DSCAM: variants seen among roughly 807,000 people sequenced by gnomAD.
DSCAM encodes DS cell adhesion molecule, also known as cell adhesion molecule DSCAM.
DSCAM carries 47 observed loss-of-function variants against 217.7 expected under a neutral mutation model. The observed-to-expected ratio is 0.22, with a 90% CI of 0.17 to 0.28. DSCAM has a LOEUF of 0.28. Ranked by LOEUF, DSCAM falls within the 10% of genes least tolerant of loss-of-function variation. The pLI, the probability that DSCAM is intolerant of heterozygous loss-of-function variation, is 1.00. For synonymous variants in DSCAM, 1,056 were observed against 1,015.3 expected (o/e 1.04, Z -0.76); for missense variants, 2,080 against 2,618.3 (o/e 0.79, Z 4.49).
At chr21:40,541,894 A>C (rs1448577108) in intron 3 of DSCAM, among the ~76,000 whole-genome samples, 1 of 152,212 alleles carries the variant, frequency 6.6e-6, no homozygotes, top group Admixed American at 6.5e-5. Context: ...GACCTGGTAG[A>C]TGTGGCAACG....
At chr21:40,735,664 A>G (rs1035750729) in intron 1 of DSCAM, among the ~76,000 whole-genome samples, 7 of 152,220 alleles carry the variant, frequency 4.6e-5, no homozygotes, top group African/African-American at 9.6e-5. Flanking sequence ...CTATTTTAAG[A>G]AGGAGGACAG....
At chr21:40,584,039 C>T (rs1199480866) in intron 3 of DSCAM, among the ~76,000 whole-genome samples, 1 of 152,080 alleles carries the variant, frequency 6.6e-6, no homozygotes, top group African/African-American at 2.4e-5. Flanking sequence ...TGGAACTATG[C>T]CCCCAAAAAC....
At chr21:40,534,739 T>C (rs748971889) in intron 3 of DSCAM, among the ~76,000 whole-genome samples, 3 of 152,196 alleles carry the variant, frequency 2.0e-5, no homozygotes, top group Non-Finnish European at 4.4e-5. Context: ...ATCTATTATG[T>C]TACTCAATAA....
intron 31 of DSCAM, among the ~76,000 whole-genome samples, chr21:40,043,135 A>G (rs1038429510): frequency 1.4e-4 from 22 of 152,218 alleles, no homozygotes; most frequent in African/African-American, 5.3e-4. Context: ...TAAAGATGTC[A>G]TGTTGCACGG....
chr21:40,667,296 A>C (rs2090214562), intron 3 of DSCAM, among the ~76,000 whole-genome samples: 1 of 152,232 alleles, frequency 6.6e-6, no homozygotes, highest in African/African-American at 2.4e-5. Context: ...TCAACAGCAC[A>C]TCATGGACCC....
At chr21:40,549,817 G>A (rs2076614998) in intron 3 of DSCAM, among the ~76,000 whole-genome samples, 1 of 152,158 alleles carries the variant, frequency 6.6e-6, no homozygotes, top group Non-Finnish European at 1.5e-5. Flanking sequence ...ACCTCTTAGA[G>A]GTACATCATG....
intron 3 of DSCAM, among the ~76,000 whole-genome samples, chr21:40,379,534 T>G (rs2074999858): frequency 6.6e-6 from 1 of 152,146 alleles, no homozygotes; most frequent in South Asian, 2.1e-4. Context: ...TCCAAATACC[T>G]CACACAAAAG....
intron 5 of DSCAM, 39 bp from the exon 6 acceptor site, chr21:40,347,984 A>C (rs1308555743): frequency 1.3e-6 from 2 of 1,584,962 alleles, no homozygotes; most frequent in Non-Finnish European, 1.7e-6. Context: ...AAAGATAAAA[A>C]CATCACTAGA....
chr21:40,764,934 A>G (rs949114276), intron 1 of DSCAM, among the ~76,000 whole-genome samples: 7 of 152,048 alleles, frequency 4.6e-5, no homozygotes, highest in Non-Finnish European at 1.0e-4. Flanking sequence ...GGAACATCAC[A>G]CACCGGGGCC....
intron 1 of DSCAM, among the ~76,000 whole-genome samples, chr21:40,832,860 C>G (rs1285862439): frequency 6.6e-6 from 1 of 152,188 alleles, no homozygotes; most frequent in East Asian, 1.9e-4. Flanking sequence ...TACTCACATT[C>G]TTTCCTATGC....
At chr21:40,296,213 C>T (rs371076429) in intron 9 of DSCAM, 39 bp from the exon 10 acceptor site, 1 of 1,607,682 alleles carries the variant, frequency 6.2e-7, no homozygotes, top group Non-Finnish European at 8.5e-7. Flanking sequence ...TAAGACTAGA[C>T]CAGAAACTGA....
chr21:40,032,580 G>A (rs533445396), intron 32 of DSCAM, among the ~76,000 whole-genome samples: 3 of 152,234 alleles, frequency 2.0e-5, no homozygotes, highest in Middle Eastern at 3.4e-3. Flanking sequence ...CATTTACCAA[G>A]AGAGATTCTT....
chr21:40,795,267 C>A (rs536982792), intron 1 of DSCAM, among the ~76,000 whole-genome samples: 1 of 152,204 alleles, frequency 6.6e-6, no homozygotes, highest in African/African-American at 2.4e-5. Context: ...CCATTCACTA[C>A]ACCATGCTCT....
chr21:40,076,978 T>C (rs144124049), intron 26 of DSCAM, among the ~76,000 whole-genome samples: 4 of 152,304 alleles, frequency 2.6e-5, no homozygotes, highest in Non-Finnish European at 5.9e-5. Flanking sequence ...AATTCAACCA[T>C]ATTACAGGGA....
intron 16 of DSCAM, among the ~76,000 whole-genome samples, chr21:40,149,695 C>T (rs1393389401): frequency 6.7e-6 from 1 of 148,830 alleles, no homozygotes; most frequent in Non-Finnish European, 1.5e-5. Context: ...ATCACTATCA[C>T]CACCACCATC....
At chr21:40,025,805 A>T (rs1309921082) in intron 32 of DSCAM, among the ~76,000 whole-genome samples, 2 of 150,166 alleles carry the variant, frequency 1.3e-5, no homozygotes, top group East Asian at 1.9e-4. Context: ...TATTTTGTTG[A>T]TCCTTTCAAA....
At chr21:40,754,415 A>G (rs1413457022) in intron 1 of DSCAM, among the ~76,000 whole-genome samples, 1 of 152,236 alleles carries the variant, frequency 6.6e-6, no homozygotes, top group African/African-American at 2.4e-5. Flanking sequence ...CAGGAAACAC[A>G]GGCAGGAAAG....
intron 11 of DSCAM, among the ~76,000 whole-genome samples, chr21:40,222,401 G>A (rs1035011759): frequency 6.6e-6 from 1 of 152,208 alleles, no homozygotes; most frequent in Non-Finnish European, 1.5e-5. Flanking sequence ...GGAAAAGGCT[G>A]TTGATATGGT....
intron 3 of DSCAM, among the ~76,000 whole-genome samples, chr21:40,659,411 A>T (rs1253758787): frequency 6.6e-6 from 1 of 150,982 alleles, no homozygotes; most frequent in Non-Finnish European, 1.5e-5. Flanking sequence ...TCATCTCTCT[A>T]TCACTCTAGT....
Sources: allele counts gnomAD v4.1 joint callset (sites outside exome capture counted in the v4.1 genomes callset), GRCh38; gene constraint gnomAD v4.1.1; transcripts MANE v1.5; gene names NCBI Gene and HGNC (gene_info 2026-07-23, HGNC 2026-07-21).